COG1: variants seen among roughly 807,000 people sequenced by gnomAD.
COG1 encodes conserved oligomeric Golgi complex subunit 1.
In COG1, 61 loss-of-function variants were observed where a neutral mutation model predicts 102.2. That is an observed-to-expected ratio of 0.60 (90% confidence interval 0.49 to 0.74). The LOEUF (loss-of-function observed/expected upper bound fraction) is 0.74. COG1 is among the 30% of genes least tolerant of loss of function. The pLI, the probability that COG1 is intolerant of heterozygous loss-of-function variation, is 0.00. For missense variants in COG1, 1,164 were observed against 1,232.1 expected (o/e 0.94, Z 0.83); for synonymous variants, 454 against 493.6 (o/e 0.92, Z 1.06).
At chr17:73,206,580 G>A (rs894964300) in intron 11 of COG1, 128 bp from the exon 12 acceptor site, 40 of 740,472 alleles carry the variant, frequency 5.4e-5, no homozygotes, top group East Asian at 3.5e-4. Flanking sequence ...AAGCATAAAT[G>A]CACTCAGAAC....
chr17:73,208,022 G>A (rs1169134744), intron 13 of COG1: 44 of 1,323,274 alleles, frequency 3.3e-5, no homozygotes, highest in Non-Finnish European at 4.1e-5. Flanking sequence ...CCACTGCAGT[G>A]ATCTTTCAGT....
In COG1 at chr17:73,201,007, GGT is replaced by G. The variant is rs2061344653; in HGVS notation, c.1282-100_1282-99del. The G allele has an allele frequency of 2.6e-6, 3 of 1,148,890 alleles. No homozygotes were observed. In the South Asian group the frequency reaches 3.8e-5, roughly 14 times the overall value. 71.2% of individuals were successfully genotyped at this position (1,148,890 alleles called of 1,614,324 possible). A position where few individuals can be genotyped will look rare whatever the true frequency, so the allele number is the denominator to read the frequency against. On this transcript the variant is annotated intron_variant, in intron 6 of 13. Transcript: ENST00000299886. ...AACACCATGCCATCTTTCTGAAGATGGTGAACCTTCTGAATGCTAGGATAAAT... is the reference window on the plus strand; with the variant it reads ...AACACCATGCCATCTTTCTGAAGATGGAACCTTCTGAATGCTAGGATAAAT...
intron 9 of COG1, among the ~76,000 whole-genome samples, chr17:73,204,628 C>T (rs1568298026): frequency 2.1e-5 from 3 of 145,820 alleles, no homozygotes; most frequent in Non-Finnish European, 3.0e-5. Flanking sequence ...GGCACCATCT[C>T]GGCTCACTGC....
intron 9 of COG1, among the ~76,000 whole-genome samples, chr17:73,204,933 C>T (rs944740220): frequency 5.3e-5 from 8 of 152,120 alleles, no homozygotes; most frequent in African/African-American, 1.4e-4. Context: ...GAGGCCAAGG[C>T]GGGTGGATCA....
chr17:73,208,438 G>C lies in COG1; in HGVS notation c.2930G>C (p.Ser977Thr). ...PSLFKLGWLSSMTK is the reference protein window; with the variant it reads ...PSLFKLGWLSTMTK ...TTATTCAAACTTGGCTGGCTCTCTA[G>C]TATGACTAAGTAACATGGCAACACA... is the stretch of plus-strand genomic sequence containing the variant. Residue 977 changes from serine (S) to threonine (T), a missense_variant, in exon 14 of 14, where the codon AGT (serine) becomes ACT (threonine). Ser to Thr is a moderately conservative substitution (Grantham distance 58). Coordinates refer to ENST00000299886, the MANE Select transcript of COG1 (RefSeq NM_018714.3). The C allele has an allele frequency of 6.2e-7, 1 of 1,614,124 alleles. No individual in the cohort carries two copies. The highest frequency in any genetic ancestry group is 8.5e-7 in the Non-Finnish European group (1 of 1,180,022).
At position 73,193,063 on chromosome 17, in the gene COG1, G is replaced by C; in HGVS notation, c.-7G>C. On this transcript the variant is annotated 5_prime_UTR_variant, in exon 1 of 14. Coordinates refer to ENST00000299886, the MANE Select transcript of COG1 (RefSeq NM_018714.3). Reference sequence around the variant, plus strand: ...TAGGTAGATCGCCGGGGGCTGACGAGTGCACCATGGCCACCGCGGCAACCT... The same window carrying C: ...TAGGTAGATCGCCGGGGGCTGACGACTGCACCATGGCCACCGCGGCAACCT... 6.2e-7 allele frequency: 1 copy of C among 1,611,070 alleles called. No homozygotes were observed. The highest frequency in any genetic ancestry group is 8.5e-7 in the Non-Finnish European group (1 of 1,179,224).
chr17:73,206,998 CAGG>C, intron 12 of COG1, 180 bp from the exon 13 acceptor site: 1 of 699,086 alleles, frequency 1.4e-6, no homozygotes, highest in East Asian at 2.7e-5. Context: ...GAGGCTGAGG[CAGG>C]AGAATGGCGT....
rs2061356716 is a variant in COG1, at chr17:73,203,756, C to G, written c.2345C>G (p.Ala782Gly). ...MLKSCMVQVV[A>G]AYEKLSEEKQ... ...AAAAGCTGTATGGTTCAAGTAGTAG[C>G]TGCCTATGAGAAACTCTCCGAAGAA... Residue 782 changes from alanine to glycine, a missense_variant, in exon 9 of 14, where the codon GCT (alanine) becomes GGT (glycine). Physicochemically the swap from Ala to Gly is moderately conservative, Grantham distance 60 (BLOSUM62 0). Coordinates refer to ENST00000299886, the MANE Select transcript of COG1 (RefSeq NM_018714.3). 1 of 1,614,214 alleles carries G rather than the reference C, an allele frequency of 6.2e-7. No homozygotes were observed.
intron 10 of COG1, 68 bp from the exon 11 acceptor site, chr17:73,206,083 CAGT>C (rs2061370255): frequency 2.5e-6 from 3 of 1,214,128 alleles, no homozygotes; most frequent in Admixed American, 3.4e-5. Context: ...ATTTCTACAG[CAGT>C]AGGATATCAT....
intron 13 of COG1, chr17:73,208,059 T>C: frequency 2.2e-6 from 3 of 1,388,950 alleles, no homozygotes; most frequent in Non-Finnish European, 2.8e-6. Flanking sequence ...TAGCAGGCTG[T>C]GGAGAGAAGT....
At position 73,197,150 on chromosome 17, in the gene COG1, T is replaced by A. The variant is rs1035402646; in HGVS notation, c.742+69T>A. On this transcript the variant is annotated intron_variant, in intron 3 of 13. Transcript: ENST00000299886. ...TGGAGAAGGGTGAGCTGCGGGAGAC[T>A]GAAGCCTCCAGAGCGTCCTCTGTCT... is the stretch of plus-strand genomic sequence containing the variant. 10 of 1,612,554 alleles carry A rather than the reference T, an allele frequency of 6.2e-6. No individual in the cohort carries two copies. The Admixed American group carries it at 1.2e-4, about 19-fold the overall frequency.
At position 73,200,768 on chromosome 17, in the gene COG1, C is replaced by T. The variant is rs1365635360; in HGVS notation, c.1273C>T (p.Arg425Ter). The T allele has an allele frequency of 3.7e-6, 6 of 1,613,730 alleles. No homozygotes were observed. The highest frequency in any genetic ancestry group is 1.3e-5 in the African/African-American group (1 of 74,902). Residue 425 changes from arginine (R) to a stop codon, truncating the protein, a stop_gained, in exon 6 of 14, where the codon CGA becomes TGA. Transcript: ENST00000299886. LOFTEE classifies it high-confidence loss of function. ...TATGATGCAGCAACTGTTCCTTGAC[C>T]GATTACAGGTGAGCTGGACAGTCAC... ...EDMMQQLFLDRLQTLTKEGFD... is the reference protein window; with the variant it reads ...EDMMQQLFLD
chr17:73,208,092 A>T (rs1352223325), intron 13 of COG1: 2 of 1,439,796 alleles, frequency 1.4e-6, no homozygotes, highest in Non-Finnish European at 1.8e-6. Context: ...CCTTTTCCCA[A>T]GACAGTCCTC....
At chr17:73,205,972 T>C in intron 10 of COG1, 182 bp from the exon 11 acceptor site, 1 of 685,600 alleles carries the variant, frequency 1.5e-6, no homozygotes, top group East Asian at 2.7e-5. Flanking sequence ...GGGGAAAGGG[T>C]GGACTTCACT....
Position 73,201,734 on chromosome 17 carries a change from CAGAG to C in COG1, c.1910_1913del (p.Glu637AlafsTer12), listed in dbSNP as rs778792970. 6.2e-7 allele frequency: 1 copy of C among 1,614,150 alleles called. No individual in the cohort carries two copies. Among genetic ancestry groups the C allele is most frequent in the Non-Finnish European group, 8.5e-7 (1 of 1,180,018 alleles). On this transcript the variant is annotated frameshift_variant, in exon 7 of 14. Coordinates refer to ENST00000299886, the MANE Select transcript of COG1 (RefSeq NM_018714.3). LOFTEE classifies it high-confidence loss of function. ...CTGAAGCAGTGCATCCTGGGAAAAT[CAGAG>C]AGCTCAGAGAAACCAGCAAGGGAGT...
At chr17:73,204,836 C>T (rs977160580) in intron 9 of COG1, among the ~76,000 whole-genome samples, 12 of 152,276 alleles carry the variant, frequency 7.9e-5, no homozygotes, top group African/African-American at 2.6e-4. Flanking sequence ...GGACTATGGG[C>T]AGGAGCCATC....
chr17:73,207,530 A>G, intron 13 of COG1: 1 of 589,334 alleles, frequency 1.7e-6, no homozygotes, highest in Non-Finnish European at 2.9e-6. Flanking sequence ...TGAATTTAGT[A>G]GGGTGAAAGA....
Position 73,206,764 on chromosome 17 carries a change from G to A in COG1, c.2676G>A (p.Thr892=), listed in dbSNP as rs755419906. The change falls in exon 12 of 14, where the codon ACG becomes ACA. Residue 892 remains threonine, a synonymous_variant. Transcript: ENST00000299886. ...ATCAGCTCGCCCCCCGGAGCAGTAC[G>A]TTCAACTCCCAAGAACCCCATAACA... The part of the protein sequence containing the change: ...TENQLAPRSS[T]FNSQEPHNIL... 13 of 1,613,040 alleles carry A rather than the reference G, an allele frequency of 8.1e-6. No individual in the cohort carries two copies. Among genetic ancestry groups the A allele is most frequent in the South Asian group, 3.3e-5 (3 of 91,040 alleles).
At chr17:73,203,884 A>T in intron 9 of COG1, 91 bp downstream of exon 9, 1 of 1,438,938 alleles carries the variant, frequency 6.9e-7, no homozygotes. Context: ...CACATCAAAG[A>T]CTCAAACTGT....
Sources: allele counts gnomAD v4.1 joint callset (sites outside exome capture counted in the v4.1 genomes callset), GRCh38; gene constraint gnomAD v4.1.1; transcripts MANE v1.5; gene names NCBI Gene and HGNC (gene_info 2026-07-23, HGNC 2026-07-21).